Variants in ERP44 observed in about 807,000 individuals in gnomAD.
The protein encoded by ERP44 is endoplasmic reticulum protein 44, also known as endoplasmic reticulum resident protein 44.
In ERP44, 25 loss-of-function variants were observed where a neutral mutation model predicts 53.4. The observed-to-expected ratio is 0.47, with a 90% confidence interval of 0.34 to 0.65. The LOEUF (loss-of-function observed/expected upper bound fraction) is 0.65, where lower values mean the gene tolerates loss of function less well. ERP44 is among the 30% of genes least tolerant of loss of function. The pLI, the probability that ERP44 is intolerant of heterozygous loss-of-function variation, is 0.01. For missense variants in ERP44, 338 were observed against 493.2 expected, an observed-to-expected ratio of 0.69 and a Z score of 2.98; for synonymous variants, 145 against 161.2, an observed-to-expected ratio of 0.90 and a Z score of 0.76.
chr9:100,055,595 T>A (rs571133110), intron 3 of ERP44, among the ~76,000 whole-genome samples: 1 of 152,342 alleles, frequency 6.6e-6, no homozygotes, highest in African/African-American at 2.4e-5. Context: ...AGTCTGGAAC[T>A]CCTGACCTCA....
intron 4 of ERP44, among the ~76,000 whole-genome samples, chr9:100,049,010 T>A (rs1387473024): frequency 2.6e-5 from 4 of 152,292 alleles, no homozygotes; most frequent in Middle Eastern, 3.4e-3. Context: ...TAATTTTATG[T>A]ATATGTTACA....
chr9:100,055,049 T>A (rs999344696), intron 3 of ERP44, among the ~76,000 whole-genome samples: 1 of 152,176 alleles, frequency 6.6e-6, no homozygotes, highest in African/African-American at 2.4e-5. Context: ...CAGTTAGGCA[T>A]ACCTGAATTT....
At chr9:100,067,595 C>T (rs1297223899) in intron 1 of ERP44, among the ~76,000 whole-genome samples, 145 of 152,328 alleles carry the variant, frequency 9.5e-4, no homozygotes, top group African/African-American at 3.4e-3. Flanking sequence ...GAGATTGCAG[C>T]CTCTGCCCGG....
At chr9:100,055,128 ATTAT>A (rs1300852272) in intron 3 of ERP44, among the ~76,000 whole-genome samples, 1 of 152,218 alleles carries the variant, frequency 6.6e-6, no homozygotes, top group Non-Finnish European at 1.5e-5. Flanking sequence ...CTAAAAGGAA[ATTAT>A]AATACCTACC....
chr9:100,031,827 C>A lies in ERP44; in HGVS notation c.287-9601G>T, dbSNP rs559097335. Reference sequence around the variant, plus strand: ...AAAAACCTCTGTTTTCCTCATGAAACCCTAGAAATTAGAAATAGCTAAGAT... The same window carrying A: ...AAAAACCTCTGTTTTCCTCATGAAAACCTAGAAATTAGAAATAGCTAAGAT... On this transcript the variant is annotated intron_variant, in intron 4 of 11. Coordinates refer to ENST00000262455, the MANE Select transcript of ERP44 (RefSeq NM_015051.3). Among the ~76,000 whole-genome samples, 16 of 152,190 alleles carry A rather than the reference C, an allele frequency of 1.1e-4. No homozygotes were observed. The East Asian group carries it at 3.1e-3, about 29-fold the overall frequency.
chr9:100,057,741 C>T (rs1826100091), intron 3 of ERP44, 79 bp downstream of exon 3: 16 of 1,035,304 alleles, frequency 1.5e-5, no homozygotes, highest in Admixed American at 1.4e-4. Flanking sequence ...AAAAAGCCTT[C>T]CCTTCCCCTT....
In ERP44 at chr9:99,980,198, A is replaced by G. The variant is rs1830133855; in HGVS notation, c.*2414T>C. ...TAACCTTTATTTTGTCTTTACATCT[A>G]TAACACGTTACAGTCATTGTTTACA... is the stretch of plus-strand genomic sequence containing the variant. On this transcript the variant is annotated 3_prime_UTR_variant, in exon 12 of 12. Coordinates refer to ENST00000262455, the MANE Select transcript of ERP44 (RefSeq NM_015051.3). The G allele has an allele frequency of 2.5e-6, 1 of 396,854 alleles. No homozygotes were observed. The highest frequency in any genetic ancestry group is 4.4e-6 in the Non-Finnish European group (1 of 225,312). 24.6% of individuals were successfully genotyped at this position (396,854 alleles called of 1,614,324 possible).
chr9:100,055,459 G>A (rs1439185442), intron 3 of ERP44, among the ~76,000 whole-genome samples: 2 of 152,112 alleles, frequency 1.3e-5, no homozygotes, highest in African/African-American at 2.4e-5. Flanking sequence ...CGCAACCTCC[G>A]CCTGCTGGCT....
intron 10 of ERP44, among the ~76,000 whole-genome samples, chr9:99,995,061 T>G (rs987728433): frequency 5.9e-5 from 9 of 152,194 alleles, no homozygotes; most frequent in African/African-American, 2.2e-4. Context: ...GCACATGTTT[T>G]GTTTGATTTA....
intron 6 of ERP44, among the ~76,000 whole-genome samples, chr9:100,019,068 T>C (rs1055968794): frequency 4.6e-5 from 7 of 152,242 alleles, no homozygotes; most frequent in East Asian, 3.8e-4. Context: ...TAGATATATT[T>C]ATCTTTGGTG....
intron 7 of ERP44, among the ~76,000 whole-genome samples, chr9:100,016,986 C>T (rs1355286638): frequency 6.6e-6 from 1 of 152,032 alleles, no homozygotes; most frequent in African/African-American, 2.4e-5. Context: ...TTAGCTATTC[C>T]TAAGAGCTGA....
intron 1 of ERP44, among the ~76,000 whole-genome samples, chr9:100,071,016 A>G (rs1167661619): frequency 2.0e-5 from 3 of 151,920 alleles, no homozygotes; most frequent in Non-Finnish European, 2.9e-5. Flanking sequence ...TGGAAATACC[A>G]ATGTTTTCAC....
At position 99,999,125 on chromosome 9, in the gene ERP44, G is replaced by A. The variant is rs1830349124; in HGVS notation, c.1016+7381C>T. 6 of 617,830 alleles carry A rather than the reference G, an allele frequency of 9.7e-6. 1 individual carries two copies. In the South Asian group the frequency reaches 1.1e-4, roughly 11 times the overall value. The allele number at this position is 617,830 out of a possible 1,614,324, so 38.3% of individuals were successfully genotyped here. On this transcript the variant is annotated intron_variant, in intron 10 of 11. Transcript: ENST00000262455. ...CGGGGCGTGGACACGGCGCACCTGA[G>A]GCACAGTGTACCGCGCTGGGAGGCC...
At chr9:100,043,345 A>G (rs1825933882) in intron 4 of ERP44, among the ~76,000 whole-genome samples, 1 of 150,464 alleles carries the variant, frequency 6.6e-6, no homozygotes, top group Admixed American at 6.6e-5. Flanking sequence ...AGTAGAAACT[A>G]ATTTAATTGT....
At chr9:100,097,287 G>A (rs1826645796) in intron 1 of ERP44, among the ~76,000 whole-genome samples, 1 of 152,076 alleles carries the variant, frequency 6.6e-6, no homozygotes, top group Non-Finnish European at 1.5e-5. Context: ...TTTGAGGAAA[G>A]TGCATCTGAT....
chr9:100,039,278 A>G (rs1281137320), intron 4 of ERP44, among the ~76,000 whole-genome samples: 1 of 152,166 alleles, frequency 6.6e-6, no homozygotes, highest in Non-Finnish European at 1.5e-5. Context: ...GACAGACCAC[A>G]TGTTAGGTTA....
At chr9:100,052,839 AG>A (rs1826052563) in intron 3 of ERP44, among the ~76,000 whole-genome samples, 1 of 152,242 alleles carries the variant, frequency 6.6e-6, no homozygotes, top group African/African-American at 2.4e-5. Flanking sequence ...GTCTGAAATA[AG>A]CCCTCTACAA....
chr9:100,057,735 A>AGCCTT lies in ERP44; in HGVS notation c.170+80_170+84dup. ...TGGAATACTGTCTTGAAATAGAAAA[A>AGCCTT]GCCTTCCCTTCCCCTTTCTAGCAAA... On this transcript the variant is annotated intron_variant, in intron 3 of 11. Coordinates refer to ENST00000262455, the MANE Select transcript of ERP44 (RefSeq NM_015051.3). The AGCCTT allele has an allele frequency of 6.3e-6, 6 of 951,786 alleles. No individual in the cohort carries two copies. In the South Asian group the frequency reaches 8.6e-5, roughly 14 times the overall value. 59.0% of individuals were successfully genotyped at this position (951,786 alleles called of 1,614,324 possible).
intron 1 of ERP44, among the ~76,000 whole-genome samples, chr9:100,073,275 A>T (rs570524566): frequency 7.9e-5 from 12 of 152,256 alleles, no homozygotes; most frequent in East Asian, 1.9e-4. Context: ...AGTTTTTTTT[A>T]AAAAAACTAA....
Sources: gnomAD v4.1 joint callset for allele counts (sites outside exome capture counted in the v4.1 genomes callset) on GRCh38, gnomAD v4.1.1 for gene constraint, MANE v1.5 for transcripts, NCBI Gene and HGNC (gene_info 2026-07-23, HGNC 2026-07-21) for gene names.